Variants in PPM1G observed in about 807,000 individuals in gnomAD.
PPM1G encodes the protein protein phosphatase 1G.
PPM1G carries 12 observed loss-of-function variants against 59.4 expected under a neutral mutation model. That is an observed-to-expected ratio of 0.20 (90% CI 0.13 to 0.33). The LOEUF (loss-of-function observed/expected upper bound fraction) is 0.33, where lower values mean the gene tolerates loss of function less well. Among genes scored for constraint, PPM1G ranks in the 10% least tolerant of loss-of-function variants. The pLI, the probability that PPM1G is intolerant of heterozygous loss-of-function variation, is 1.00. For synonymous variants in PPM1G, 245 were observed against 251.9 expected (o/e 0.97, Z 0.26); for missense variants, 392 against 681.3 (o/e 0.58, Z 4.73).
chr2:27,406,381 A>G (rs1663361499), intron 1 of PPM1G, among the ~76,000 whole-genome samples: 1 of 152,230 alleles, frequency 6.6e-6, no homozygotes, highest in African/African-American at 2.4e-5. Flanking sequence ...GAAGAGAAAA[A>G]AAGCCAGAAG....
rs767162046 is a variant in PPM1G, at chr2:27,381,555, A to G, written c.*44T>C. The G allele has an allele frequency of 6.2e-7, 1 of 1,608,076 alleles. No individual in the cohort carries two copies. The highest frequency in any genetic ancestry group is 2.2e-5 in the East Asian group (1 of 44,796). On this transcript the variant is annotated 3_prime_UTR_variant, in exon 10 of 10. Transcript: ENST00000344034. ...AGACAAAACTCAGTCTCAGGTCCGG[A>G]GGGCTCAGAAAACAGTCTAGGTGGG...
chr2:27,401,445 G>A (rs1684177628), intron 1 of PPM1G, among the ~76,000 whole-genome samples: 2 of 152,210 alleles, frequency 1.3e-5, no homozygotes, highest in African/African-American at 4.8e-5. Context: ...GTGGACGGAA[G>A]ATAGGGAGTG....
Position 27,385,687 on chromosome 2 carries a change from A to G in PPM1G, c.409+60T>C, listed in dbSNP as rs1683744103. The G allele has an allele frequency of 1.9e-6, 3 of 1,572,658 alleles. No individual in the cohort carries two copies. In the Admixed American group the frequency reaches 5.7e-5, roughly 30 times the overall value. ...CATCCTATCTTAGAATTGATAAGTA[A>G]TATTAAAGAATATTTCTTAAAATGC... is the stretch of plus-strand genomic sequence containing the variant. On this transcript the variant is annotated intron_variant, in intron 4 of 9. Coordinates refer to ENST00000344034, the MANE Select transcript of PPM1G (RefSeq NM_177983.3). The surrounding 1 kb of genome is among the most constrained non-coding windows in gnomAD (Gnocchi z 4.1).
intron 1 of PPM1G, among the ~76,000 whole-genome samples, chr2:27,400,532 T>C (rs1684158227): frequency 6.6e-6 from 1 of 152,130 alleles, no homozygotes; most frequent in Non-Finnish European, 1.5e-5. Context: ...GGTGAAAAGA[T>C]TCCTTGAGGC....
At chr2:27,393,209 G>A (rs1683959872) in intron 1 of PPM1G, 2 of 1,545,074 alleles carry the variant, frequency 1.3e-6, no homozygotes, top group East Asian at 4.5e-5. Context: ...GAAAGTATTT[G>A]GCAAAGTTCT....
intron 1 of PPM1G, among the ~76,000 whole-genome samples, chr2:27,403,339 G>A (rs1684229214): frequency 2.6e-5 from 4 of 151,772 alleles, no homozygotes; most frequent in Admixed American, 2.6e-4. Context: ...CCAGCTACTT[G>A]GGAGGCTGGG....
chr2:27,407,101 G>A (rs1028329590), intron 1 of PPM1G, among the ~76,000 whole-genome samples: 1 of 151,712 alleles, frequency 6.6e-6, no homozygotes, highest in African/African-American at 2.4e-5. Context: ...AAGTAGCTAT[G>A]ATTATAGGCA....
In PPM1G at chr2:27,385,627, C is replaced by T. The variant is rs1683743369; in HGVS notation, c.409+120G>A. On this transcript the variant is annotated intron_variant, in intron 4 of 9. Transcript: ENST00000344034. This position sits in a 1 kb window ranked among gnomAD's most constrained non-coding sequence, Gnocchi z 4.1. The stretch of plus-strand genomic sequence containing the variant: ...CAATGCAGGAGAACATCATAGGTTT[C>T]TTTAACATAAGGACTCCCCAGGTCC... 1.5e-6 allele frequency: 2 copies of T among 1,316,450 alleles called. No homozygotes were observed. The highest frequency in any genetic ancestry group is 2.1e-6 in the Non-Finnish European group (2 of 971,134). 81.5% of individuals were successfully genotyped at this position (1,316,450 alleles called of 1,614,324 possible).
At chr2:27,394,605 C>G (rs973276998) in intron 1 of PPM1G, among the ~76,000 whole-genome samples, 1 of 151,942 alleles carries the variant, frequency 6.6e-6, no homozygotes, top group Non-Finnish European at 1.5e-5. Context: ...GTGGCACGCG[C>G]CTGTAGTCCC....
Position 27,385,856 on chromosome 2 carries a change from A to G in PPM1G, c.300T>C (p.Ala100=), listed in dbSNP as rs147074123. The stretch of plus-strand genomic sequence containing the variant: ...CTTCAGTGGTCAATTTGGCGTCAAT[A>G]GCCAAGAAGGCATCTTCTAAAGCCT... The part of the protein sequence containing the change: ...LQKALEDAFL[A]IDAKLTTEEV... The change falls in exon 4 of 10, where the codon GCT becomes GCC. Residue 100 remains alanine (A), a synonymous_variant. Coordinates refer to ENST00000344034, the MANE Select transcript of PPM1G (RefSeq NM_177983.3). This position sits in a 1 kb window ranked among gnomAD's most constrained non-coding sequence, Gnocchi z 4.1. The G allele has an allele frequency of 1.2e-5, 19 of 1,613,568 alleles. No homozygotes were observed. Among genetic ancestry groups the G allele is most frequent in the Non-Finnish European group, 1.6e-5 (19 of 1,179,958 alleles).
chr2:27,399,950 C>CAAAA (rs56786173), intron 1 of PPM1G, among the ~76,000 whole-genome samples: 27 of 107,136 alleles, frequency 2.5e-4, no homozygotes, highest in African/African-American at 8.1e-4. Flanking sequence ...TTTATAATAG[C>CAAAA]AAAAAAAAAA....
chr2:27,402,597 G>A (rs903527523), intron 1 of PPM1G, among the ~76,000 whole-genome samples: 2 of 151,772 alleles, frequency 1.3e-5, no homozygotes, highest in Non-Finnish European at 2.9e-5. Context: ...ACGAGGTCAG[G>A]AATCGAGACC....
chr2:27,381,428 C>T lies in PPM1G; in HGVS notation c.*171G>A. The stretch of plus-strand genomic sequence containing the variant: ...GCGGCTGGGAAGGACAGCAGAGGCT[C>T]CCGGCTGCAGTGTGGAGGGAGAGCC... On this transcript the variant is annotated 3_prime_UTR_variant, in exon 10 of 10. Transcript: ENST00000344034. The T allele has an allele frequency of 1.5e-6, 1 of 682,626 alleles. No homozygotes were observed. Among genetic ancestry groups the T allele is most frequent in the Non-Finnish European group, 2.5e-6 (1 of 400,480 alleles). 42.3% of individuals were successfully genotyped at this position (682,626 alleles called of 1,614,324 possible).
chr2:27,409,472 G>T lies in PPM1G; in HGVS notation c.-50C>A. Reference sequence around the variant, plus strand: ...GGTGCAGGAAAGCTGGGCGCGACCCGTGCCGGAGCCGAAGCCCCGGGGGTG... The same window carrying T: ...GGTGCAGGAAAGCTGGGCGCGACCCTTGCCGGAGCCGAAGCCCCGGGGGTG... On this transcript the variant is annotated 5_prime_UTR_variant, in exon 1 of 10. Transcript: ENST00000344034. The T allele has an allele frequency of 7.0e-7, 1 of 1,426,750 alleles. No individual in the cohort carries two copies. The allele number at this position is 1,426,750 out of a possible 1,614,324, so 88.4% of individuals were successfully genotyped here. A position where few individuals can be genotyped will look rare whatever the true frequency, so the allele number is the denominator to read the frequency against.
intron 1 of PPM1G, chr2:27,392,856 T>TC: frequency 6.8e-7 from 1 of 1,467,106 alleles, no homozygotes; most frequent in Non-Finnish European, 9.4e-7. Flanking sequence ...ATTCGGGCGC[T>TC]CCCATCTCGT....
intron 1 of PPM1G, among the ~76,000 whole-genome samples, chr2:27,392,121 A>T (rs1683918706): frequency 6.6e-6 from 1 of 151,662 alleles, no homozygotes; most frequent in Non-Finnish European, 1.5e-5. Context: ...AGCTTCCCCT[A>T]CAGGTCTTAT....
chr2:27,407,116 C>A (rs777996402), intron 1 of PPM1G, among the ~76,000 whole-genome samples: 32 of 152,144 alleles, frequency 2.1e-4, no homozygotes, highest in Middle Eastern at 3.4e-3. Context: ...TAGGCACGCA[C>A]CACCACATTC....
chr2:27,398,782 A>G (rs1046722684), intron 1 of PPM1G, among the ~76,000 whole-genome samples: 2 of 151,492 alleles, frequency 1.3e-5, no homozygotes, highest in Admixed American at 1.3e-4. Context: ...AGATCATGCC[A>G]CTGCACTCCA....
At chr2:27,396,589 C>T (rs1042481977) in intron 1 of PPM1G, among the ~76,000 whole-genome samples, 2 of 151,406 alleles carry the variant, frequency 1.3e-5, no homozygotes, top group Non-Finnish European at 2.9e-5. Context: ...CCGAGGCGGG[C>T]GGATCACTTG....
Sources: allele counts gnomAD v4.1 joint callset (sites outside exome capture counted in the v4.1 genomes callset), GRCh38; gene constraint gnomAD v4.1.1; non-coding constraint Gnocchi (gnomAD v3.1); transcripts MANE v1.5; gene names NCBI Gene and HGNC (gene_info 2026-07-23, HGNC 2026-07-21).